PIK3C2B: variants seen among roughly 807,000 people sequenced by gnomAD.
The protein encoded by PIK3C2B is phosphatidylinositol-4-phosphate 3-kinase catalytic subunit type 2 beta.
In PIK3C2B, 83 loss-of-function variants were observed where a neutral mutation model predicts 184.3. That is an observed-to-expected ratio of 0.45 (90% CI 0.38 to 0.54). PIK3C2B has a LOEUF of 0.54. PIK3C2B is among the 20% of genes least tolerant of loss of function. PIK3C2B has a pLI of 0.00. For synonymous variants in PIK3C2B, 779 were observed against 837.6 expected (o/e 0.93, Z 1.21); for missense variants, 1,736 against 2,113.5 (o/e 0.82, Z 3.50).
chr1:204,429,595 T>A (rs1483370366), intron 29 of PIK3C2B, among the ~76,000 whole-genome samples: 2 of 152,224 alleles, frequency 1.3e-5, no homozygotes, highest in East Asian at 3.9e-4. Flanking sequence ...AAATCTAGGT[T>A]GATAATACAT....
Position 204,424,464 on chromosome 1 carries a change from G to C in PIK3C2B, c.*388C>G. Reference sequence around the variant, plus strand: ...CTCGCAAGGCTTCCTGTCCCAGTTAGGACAACATCACTATTTCATTTTTTA... The same window carrying C: ...CTCGCAAGGCTTCCTGTCCCAGTTACGACAACATCACTATTTCATTTTTTA... On this transcript the variant is annotated 3_prime_UTR_variant, in exon 33 of 33. Transcript: ENST00000684373. 2.8e-6 allele frequency: 1 copy of C among 361,300 alleles called. No individual in the cohort carries two copies. Among genetic ancestry groups the C allele is most frequent in the Non-Finnish European group, 5.5e-6 (1 of 183,478 alleles). The allele number at this position is 361,300 out of a possible 1,614,324, so 22.4% of individuals were successfully genotyped here.
chr1:204,459,117 A>C (rs1276386421), intron 8 of PIK3C2B, among the ~76,000 whole-genome samples: 1 of 151,714 alleles, frequency 6.6e-6, no homozygotes, highest in Non-Finnish European at 1.5e-5. Context: ...CCTGGGCTCA[A>C]GCGATCCTCC....
At chr1:204,427,421 A>G (rs1434094140) in intron 31 of PIK3C2B, among the ~76,000 whole-genome samples, 1 of 152,142 alleles carries the variant, frequency 6.6e-6, no homozygotes, top group Non-Finnish European at 1.5e-5. Context: ...TCCTCATTCT[A>G]ATGAGGCTCA....
At chr1:204,438,222 G>A (rs1675458368) in intron 23 of PIK3C2B, among the ~76,000 whole-genome samples, 1 of 152,182 alleles carries the variant, frequency 6.6e-6, no homozygotes, top group African/African-American at 2.4e-5. Context: ...AGTCTCTTGT[G>A]AGTTTGGTTA....
chr1:204,427,936 G>C (rs1047584688), intron 30 of PIK3C2B, among the ~76,000 whole-genome samples, 182 bp from the exon 31 acceptor site: 1 of 152,164 alleles, frequency 6.6e-6, no homozygotes, highest in Non-Finnish European at 1.5e-5. Flanking sequence ...GGATATAATC[G>C]ACTGAATATC....
chr1:204,447,347 C>T lies in PIK3C2B; in HGVS notation c.2489+89G>A. 7 of 1,338,280 alleles carry T rather than the reference C, an allele frequency of 5.2e-6. No homozygotes were observed. Among genetic ancestry groups the T allele is most frequent in the Non-Finnish European group, 7.3e-6 (7 of 956,656 alleles). 82.9% of individuals were successfully genotyped at this position (1,338,280 alleles called of 1,614,324 possible). A position where few individuals can be genotyped will look rare whatever the true frequency, so the allele number is the denominator to read the frequency against. The stretch of plus-strand genomic sequence containing the variant: ...CTGAGATGGCAATGCCCACCCCTTC[C>T]CACCTCCACTCCCAAAGCAGGAGGA... On this transcript the variant is annotated intron_variant, in intron 15 of 32. Coordinates refer to ENST00000684373, the MANE Select transcript of PIK3C2B (RefSeq NM_001377334.1). This position sits in a 1 kb window ranked among gnomAD's most constrained non-coding sequence, Gnocchi z 4.1.
At chr1:204,465,164 C>CCCCACCCCCACCCCCCAAG in intron 3 of PIK3C2B, 55 bp downstream of exon 3, 1 of 739,540 alleles carries the variant, frequency 1.4e-6, no homozygotes, top group Non-Finnish European at 2.4e-6. Flanking sequence ...ATGGATGGCC[C>CCCCACCCCCACCCCCCAAG]CCCTCCCCAT....
intron 22 of PIK3C2B, among the ~76,000 whole-genome samples, chr1:204,439,839 T>C (rs377071185): frequency 9.5e-4 from 145 of 152,320 alleles, no homozygotes; most frequent in African/African-American, 3.3e-3. Flanking sequence ...GTGTCTAGGT[T>C]GGTCCCAAAC....
chr1:204,465,371 C>T (rs1253541959), intron 2 of PIK3C2B, 52 bp from the exon 3 acceptor site: 2 of 1,112,664 alleles, frequency 1.8e-6, no homozygotes, highest in Non-Finnish European at 2.8e-6. Context: ...GGTGTCCCCT[C>T]CCTATGAGGT....
Position 204,443,539 on chromosome 1 carries a change from C to T in PIK3C2B, c.2926G>A (p.Ala976Thr). The part of the protein sequence containing the change: ...QFSIRYQYLL[A>T]ALLCCCGKGL... Reference sequence around the variant, plus strand: ...TTGCCACAGCAGCACAGTAAGGCTGCCAGCAGATACTGGTAGCGGATGCTG... The same window carrying T: ...TTGCCACAGCAGCACAGTAAGGCTGTCAGCAGATACTGGTAGCGGATGCTG... Residue 976 changes from alanine (A) to threonine (T), a missense_variant, in exon 19 of 33, where the codon GCA becomes ACA. This residue lies in a region of PIK3C2B where 289 missense variants were observed against 380.4 expected (regional missense o/e 0.76). Transcript: ENST00000684373. 6.2e-7 allele frequency: 1 copy of T among 1,614,208 alleles called. No individual in the cohort carries two copies.
rs763414189 is a variant in PIK3C2B at position 204,449,901 on chromosome 1, C to T, written c.2183G>A (p.Arg728Gln). The change falls in exon 13 of 33, where the codon CGG (arginine) becomes CAG (glutamine). Residue 728 changes from arginine to glutamine, a missense_variant. This residue lies in a region of PIK3C2B where 609 missense variants were observed against 699.2 expected (regional missense o/e 0.87). Transcript: ENST00000684373. ...GSSSEANKQRRVPEALGWVTT... is the reference protein window; with the variant it reads ...GSSSEANKQRQVPEALGWVTT... ...GACCCAGCCCAGGGCTTCAGGCACC[C>T]GCCGCTGCTTATTGGCCTCTGAGGA... 1.2e-5 allele frequency: 19 copies of T among 1,613,782 alleles called. No homozygotes were observed. Among genetic ancestry groups the T allele is most frequent in the Admixed American group, 1.0e-4 (6 of 59,978 alleles).
intron 15 of PIK3C2B, among the ~76,000 whole-genome samples, chr1:204,446,886 G>A (rs3122288): frequency 0.67 from 102,167 of 151,910 alleles, 36,489 homozygotes; most frequent in Non-Finnish European, 0.81. Context: ...AGCAGACAGC[G>A]GAACCAGGTC....
At chr1:204,468,779 G>C (rs993098545) in intron 2 of PIK3C2B, 91 bp downstream of exon 2, 1 of 1,180,690 alleles carries the variant, frequency 8.5e-7, no homozygotes, top group African/African-American at 1.5e-5. Flanking sequence ...GTAAGGACTT[G>C]GCAGAGTTGG....
At chr1:204,476,005 C>G (rs1462209999) in intron 1 of PIK3C2B, among the ~76,000 whole-genome samples, 1 of 152,048 alleles carries the variant, frequency 6.6e-6, no homozygotes, top group Non-Finnish European at 1.5e-5. Flanking sequence ...AAACAGCATC[C>G]CCCACAGGAC....
intron 1 of PIK3C2B, among the ~76,000 whole-genome samples, chr1:204,482,337 T>C (rs1657236975): frequency 6.6e-6 from 1 of 152,182 alleles, no homozygotes; most frequent in African/African-American, 2.4e-5. Context: ...CCTACAGCCA[T>C]GCAGTTCCCA....
chr1:204,446,169 G>A (rs201663567), intron 15 of PIK3C2B, 25 bp from the exon 16 acceptor site: 51 of 1,509,842 alleles, frequency 3.4e-5, no homozygotes, highest in Non-Finnish European at 4.3e-5. Flanking sequence ...GAAAGGAGAA[G>A]GTGGTGGGAG....
chr1:204,433,242 C>T lies in PIK3C2B; in HGVS notation c.3953+74G>A. ...CTAAGCTTTTCACCTTTCCCCAGTC[C>T]TCCTCCTGCCAATCCGGCAGGCTGG... On this transcript the variant is annotated intron_variant, in intron 26 of 32. Transcript: ENST00000684373. This position sits in a 1 kb window ranked among gnomAD's most constrained non-coding sequence, Gnocchi z 5.0. 1 of 818,512 alleles carries T rather than the reference C, an allele frequency of 1.2e-6. No homozygotes were observed. The highest frequency in any genetic ancestry group is 2.1e-6 in the Non-Finnish European group (1 of 484,924). 50.7% of individuals were successfully genotyped at this position (818,512 alleles called of 1,614,324 possible). A position where few individuals can be genotyped will look rare whatever the true frequency, so the allele number is the denominator to read the frequency against.
At chr1:204,474,068 C>T (rs1291946933) in intron 1 of PIK3C2B, among the ~76,000 whole-genome samples, 3 of 149,224 alleles carry the variant, frequency 2.0e-5, no homozygotes, top group Non-Finnish European at 4.4e-5. Flanking sequence ...CTCGGCTCAC[C>T]GCAAGCTCCG....
At chr1:204,436,296 G>A (rs2103474847) in intron 23 of PIK3C2B, among the ~76,000 whole-genome samples, 1 of 152,318 alleles carries the variant, frequency 6.6e-6, no homozygotes, top group African/African-American at 2.4e-5. Flanking sequence ...TTGGGAGGCT[G>A]AGGTGGGTGA....
Sources: gnomAD v4.1 joint callset for allele counts (sites outside exome capture counted in the v4.1 genomes callset) on GRCh38, gnomAD v4.1.1 for gene constraint, gnomAD v4.1.1 regional missense constraint, Gnocchi (gnomAD v3.1) non-coding constraint, MANE v1.5 for transcripts, NCBI Gene and HGNC (gene_info 2026-07-23, HGNC 2026-07-21) for gene names.